Variants in KCNMA1 observed in about 807,000 individuals in gnomAD.
The protein encoded by KCNMA1 is Calcium-activated potassium channel subunit alpha-1.
A neutral mutation model predicts 140.0 loss-of-function variants in KCNMA1; 29 were observed. The observed-to-expected ratio is 0.21, with a 90% CI of 0.15 to 0.28. The LOEUF (loss-of-function observed/expected upper bound fraction) is 0.28, where lower values mean the gene tolerates loss of function less well. Ranked by LOEUF, KCNMA1 falls within the 10% of genes least tolerant of loss-of-function variation. KCNMA1 has a pLI of 1.00. For synonymous variants in KCNMA1, 612 were observed against 611.9 expected (o/e 1.00, Z 0.00); for missense variants, 880 against 1,602.2 (o/e 0.55, Z 7.70).
chr10:77,507,032 T>A (rs143447612), intron 1 of KCNMA1, among the ~76,000 whole-genome samples: 1 of 152,160 alleles, frequency 6.6e-6, no homozygotes, highest in African/African-American at 2.4e-5. Flanking sequence ...AGGCCATGCA[T>A]CCCAGACCCA....
rs369960806 is a variant in KCNMA1, at chr10:77,634,547, T to C, written c.378+2718A>G. 13 of 278,764 alleles carry C rather than the reference T, an allele frequency of 4.7e-5. 1 individual carries two copies. The African/African-American group carries it at 1.9e-3, about 41-fold the overall frequency. 17.3% of individuals were successfully genotyped at this position (278,764 alleles called of 1,614,324 possible). A position where few individuals can be genotyped will look rare whatever the true frequency, so the allele number is the denominator to read the frequency against. ...TTGCTGAATTTTATCTCCCACAGAA[T>C]TTCAGACCTGCTTTCCTCTGGACTC... On this transcript the variant is annotated intron_variant, in intron 1 of 27. Coordinates refer to ENST00000286628, the MANE Select transcript of KCNMA1 (RefSeq NM_001161352.2).
At chr10:77,591,234 C>T (rs917938511) in intron 1 of KCNMA1, among the ~76,000 whole-genome samples, 6 of 152,048 alleles carry the variant, frequency 3.9e-5, no homozygotes, top group Non-Finnish European at 7.4e-5. Flanking sequence ...GACAAGGCCA[C>T]GAGTGAGGCC....
intron 23 of KCNMA1, among the ~76,000 whole-genome samples, chr10:76,926,376 T>G (rs983519237): frequency 6.6e-6 from 1 of 152,146 alleles, no homozygotes; most frequent in African/African-American, 2.4e-5. Flanking sequence ...AAGAGGAAGA[T>G]GTCATGAAGA....
Position 77,577,130 on chromosome 10 carries a change from C to T in KCNMA1, c.378+60135G>A, listed in dbSNP as rs536306092. On this transcript the variant is annotated intron_variant, in intron 1 of 27. Coordinates refer to ENST00000286628, the MANE Select transcript of KCNMA1 (RefSeq NM_001161352.2). ...TTTTCTTTCCTCGGCTCACTGCAAC[C>T]TCTGCCTCCCGGGTTCAAGCAATTC... Among the ~76,000 whole-genome samples, 6 of 152,048 alleles carry T rather than the reference C, an allele frequency of 3.9e-5. No individual in the cohort carries two copies. In the South Asian group the frequency reaches 1.2e-3, roughly 32 times the overall value.
At chr10:77,019,352 T>C (rs2092561594) in intron 16 of KCNMA1, 1 of 505,690 alleles carries the variant, frequency 2.0e-6, no homozygotes. Flanking sequence ...ATCAAGGTAT[T>C]AGGGCCTGGG....
rs561949487 is a variant in KCNMA1, at chr10:77,509,472, G to A, written c.379-105449C>T. On this transcript the variant is annotated intron_variant, in intron 1 of 27. Transcript: ENST00000286628. ...TTATGAAGATGGGTTTGCAAATATCGTTTTGATTTCCTGCATTCATATCTT... is the reference window on the plus strand; with the variant it reads ...TTATGAAGATGGGTTTGCAAATATCATTTTGATTTCCTGCATTCATATCTT... Among the ~76,000 whole-genome samples the A allele has an allele frequency of 2.2e-3, 331 of 152,252 alleles. 2 individuals carry two copies. Among genetic ancestry groups the A allele is most frequent in the African/African-American group, 7.3e-3 (303 of 41,546 alleles).
intron 15 of KCNMA1, chr10:77,039,254 T>C (rs2094515005): frequency 1.3e-5 from 7 of 528,814 alleles, no homozygotes; most frequent in Non-Finnish European, 2.4e-5. Context: ...ACAGAAGGCA[T>C]GCAGGATAAC....
At chr10:76,974,960 C>T (rs1001406106) in intron 19 of KCNMA1, among the ~76,000 whole-genome samples, 8 of 152,082 alleles carry the variant, frequency 5.3e-5, no homozygotes, top group Admixed American at 1.3e-4. Flanking sequence ...CATTATATTC[C>T]GAGTCATCAA....
rs574564645 is a variant in KCNMA1 at position 76,951,970 on chromosome 10, T to C, written c.2484+1831A>G. Reference sequence around the variant, plus strand: ...AGTAACTAGAATGGTGTGTGGCACATAGTAGGCCTCCTGGAGATGTTTTGT... The same window carrying C: ...AGTAACTAGAATGGTGTGTGGCACACAGTAGGCCTCCTGGAGATGTTTTGT... On this transcript the variant is annotated intron_variant, in intron 21 of 27. Coordinates refer to ENST00000286628, the MANE Select transcript of KCNMA1 (RefSeq NM_001161352.2). The C allele has an allele frequency of 7.0e-6, 10 of 1,430,324 alleles. No individual in the cohort carries two copies. In the East Asian group the frequency reaches 1.8e-4, roughly 25 times the overall value. 88.6% of individuals were successfully genotyped at this position (1,430,324 alleles called of 1,614,324 possible). A position where few individuals can be genotyped will look rare whatever the true frequency, so the allele number is the denominator to read the frequency against.
chr10:77,429,249 G>A (rs2097095877), intron 1 of KCNMA1, among the ~76,000 whole-genome samples: 1 of 152,170 alleles, frequency 6.6e-6, no homozygotes, highest in Admixed American at 6.5e-5. Flanking sequence ...GGAACAGAAG[G>A]GGGTTTTAAG....
chr10:76,993,031 A>C (rs1378803779), intron 19 of KCNMA1, among the ~76,000 whole-genome samples: 3 of 152,336 alleles, frequency 2.0e-5, no homozygotes, highest in African/African-American at 7.2e-5. Flanking sequence ...GATTTAAAGA[A>C]TAATTCCCAT....
At chr10:77,472,022 CCA>C (rs745421305) in intron 1 of KCNMA1, among the ~76,000 whole-genome samples, 12 of 108,274 alleles carry the variant, frequency 1.1e-4, no homozygotes, top group Non-Finnish European at 2.3e-4. Flanking sequence ...ACACCACACA[CCA>C]CACACATGAC....
At position 77,108,699 on chromosome 10, in the gene KCNMA1, A is replaced by G; in HGVS notation, c.1132-127T>C. 1 of 715,772 alleles carries G rather than the reference A, an allele frequency of 1.4e-6. No homozygotes were observed. The highest frequency in any genetic ancestry group is 2.4e-6 in the Non-Finnish European group (1 of 408,230). 44.3% of individuals were successfully genotyped at this position (715,772 alleles called of 1,614,324 possible). ...ATTAGGCCTGCAAAGGTATATATTG[A>G]TATGTTGGATCATAAAAAACTAAAA... is the stretch of plus-strand genomic sequence containing the variant. On this transcript the variant is annotated intron_variant, in intron 8 of 27. Coordinates refer to ENST00000286628, the MANE Select transcript of KCNMA1 (RefSeq NM_001161352.2). The surrounding 1 kb of genome is among the most constrained non-coding windows in gnomAD (Gnocchi z 4.6).
At chr10:76,903,107 C>G (rs1379241153) in intron 25 of KCNMA1, 2 of 152,236 alleles carry the variant, frequency 1.3e-5, no homozygotes, top group Non-Finnish European at 2.9e-5. Flanking sequence ...AACAGGGAAA[C>G]CTGAGCCCAC....
intron 2 of KCNMA1, among the ~76,000 whole-genome samples, chr10:77,266,705 C>T (rs2063542664): frequency 6.6e-6 from 1 of 152,116 alleles, no homozygotes; most frequent in Non-Finnish European, 1.5e-5. Context: ...CTTGAAAGAC[C>T]CCAAGGATGC....
intron 19 of KCNMA1, among the ~76,000 whole-genome samples, chr10:77,000,538 T>C (rs1311169030): frequency 6.6e-6 from 1 of 152,116 alleles, no homozygotes; most frequent in African/African-American, 2.4e-5. Flanking sequence ...TCTGAGCTTG[T>C]GGATGACAAA....
intron 2 of KCNMA1, among the ~76,000 whole-genome samples, chr10:77,364,793 C>T (rs1257471050): frequency 1.3e-5 from 2 of 152,202 alleles, no homozygotes; most frequent in Admixed American, 1.3e-4. Context: ...GTGGCATCCT[C>T]CTCCTCCACA....
At chr10:77,083,901 T>A (rs935438910) in intron 12 of KCNMA1, among the ~76,000 whole-genome samples, 4 of 151,930 alleles carry the variant, frequency 2.6e-5, no homozygotes, top group African/African-American at 9.7e-5. Flanking sequence ...TCAAATAGGT[T>A]TGGAAAGTGT....
intron 5 of KCNMA1, among the ~76,000 whole-genome samples, chr10:77,159,670 C>G (rs190551144): frequency 1.3e-5 from 2 of 152,114 alleles, no homozygotes; most frequent in African/African-American, 4.8e-5. Flanking sequence ...CCTATTCCCC[C>G]CTCCTGTAGC....
Sources: allele counts gnomAD v4.1 joint callset (sites outside exome capture counted in the v4.1 genomes callset), GRCh38; gene constraint gnomAD v4.1.1; non-coding constraint Gnocchi (gnomAD v3.1); transcripts MANE v1.5; gene names NCBI Gene and HGNC (gene_info 2026-07-23, HGNC 2026-07-21).